SEMA5A: variants seen among roughly 807,000 people sequenced by gnomAD.
SEMA5A encodes semaphorin-5A.
SEMA5A carries 55 observed loss-of-function variants against 135.5 expected under a neutral mutation model. The ratio of observed to expected loss-of-function variants is 0.41; its 90% CI spans 0.33 to 0.51. SEMA5A has a LOEUF of 0.51. Among genes scored for constraint, SEMA5A ranks in the 20% least tolerant of loss-of-function variants. The pLI is 0.37. For missense variants in SEMA5A, 1,290 were observed against 1,419.9 expected (o/e 0.91, Z 1.47); for synonymous variants, 580 against 546.5 (o/e 1.06, Z -0.85).
intron 1 of SEMA5A, among the ~76,000 whole-genome samples, chr5:9,464,937 C>G (rs919264271): frequency 1.3e-5 from 2 of 152,198 alleles, no homozygotes; most frequent in African/African-American, 4.8e-5. Flanking sequence ...GGTCTGCAAG[C>G]GTGTGCGGAC....
intron 9 of SEMA5A, among the ~76,000 whole-genome samples, chr5:9,198,356 C>T (rs544396266): frequency 3.3e-5 from 5 of 152,254 alleles, no homozygotes; most frequent in Non-Finnish European, 4.4e-5. Flanking sequence ...CCAGGCACAA[C>T]GAGGACAAGA....
intron 4 of SEMA5A, among the ~76,000 whole-genome samples, chr5:9,326,104 G>A (rs1413052019): frequency 6.6e-6 from 1 of 152,190 alleles, no homozygotes; most frequent in Non-Finnish European, 1.5e-5. Flanking sequence ...TCCTGTCCCT[G>A]CACCAGCTTC....
intron 1 of SEMA5A, among the ~76,000 whole-genome samples, chr5:9,508,965 T>C (rs561586989): frequency 6.6e-6 from 1 of 152,280 alleles, no homozygotes; most frequent in Admixed American, 6.5e-5. Context: ...ATCAGAACTC[T>C]GCAGATTCAA....
At chr5:9,090,624 T>C (rs1410581465) in intron 16 of SEMA5A, among the ~76,000 whole-genome samples, 1 of 152,246 alleles carries the variant, frequency 6.6e-6, no homozygotes, top group Non-Finnish European at 1.5e-5. Flanking sequence ...GCTGCCAATG[T>C]GTTTCACACA....
intron 4 of SEMA5A, among the ~76,000 whole-genome samples, chr5:9,324,121 C>T (rs537872449): frequency 3.3e-5 from 5 of 151,704 alleles, no homozygotes; most frequent in South Asian, 2.1e-4. Context: ...CAGGCCAGAG[C>T]GCAGTGGTGC....
chr5:9,284,102 A>C (rs1247074707), intron 5 of SEMA5A, among the ~76,000 whole-genome samples: 4 of 98,432 alleles, frequency 4.1e-5, no homozygotes, highest in African/African-American at 1.4e-4. Context: ...AGATAGATAG[A>C]TATTAGAGAG....
In SEMA5A at chr5:9,036,814, A is replaced by G. The variant is rs988157385; in HGVS notation, c.*6083T>C. 3.9e-5 allele frequency: 6 copies of G among 152,654 alleles called. No homozygotes were observed. Among genetic ancestry groups the G allele is most frequent in the African/African-American group, 1.2e-4 (5 of 41,460 alleles). The allele number at this position is 152,654 out of a possible 1,614,324, so 9.5% of individuals were successfully genotyped here. On this transcript the variant is annotated 3_prime_UTR_variant, in exon 23 of 23. Transcript: ENST00000382496. ...CAATAATATCCACATGAAATGATAA[A>G]TGATCATCTTAAACAAGGCACTAGC... is the stretch of plus-strand genomic sequence containing the variant.
chr5:9,229,296 G>T (rs1747488187), intron 6 of SEMA5A, among the ~76,000 whole-genome samples: 1 of 152,212 alleles, frequency 6.6e-6, no homozygotes. Context: ...AGGTACACCA[G>T]AGGTGGGAGG....
At chr5:9,341,563 C>G (rs1753654597) in intron 3 of SEMA5A, among the ~76,000 whole-genome samples, 1 of 151,016 alleles carries the variant, frequency 6.6e-6, no homozygotes, top group Non-Finnish European at 1.5e-5. Context: ...GTGAGTTTAC[C>G]TTTTTCCTCC....
chr5:9,163,987 T>C (rs551584141), intron 11 of SEMA5A, among the ~76,000 whole-genome samples: 6 of 139,018 alleles, frequency 4.3e-5, no homozygotes, highest in South Asian at 4.2e-4. Flanking sequence ...ATAACAATTA[T>C]ATATTATGTA....
At chr5:9,460,211 G>A (rs1759003759) in intron 1 of SEMA5A, among the ~76,000 whole-genome samples, 1 of 152,118 alleles carries the variant, frequency 6.6e-6, no homozygotes, top group African/African-American at 2.4e-5. Flanking sequence ...GAATCTGATT[G>A]TTGACCAGGC....
At chr5:9,439,590 G>A (rs1758159260) in intron 1 of SEMA5A, among the ~76,000 whole-genome samples, 2 of 152,180 alleles carry the variant, frequency 1.3e-5, no homozygotes, top group African/African-American at 2.4e-5. Context: ...TGAACCCTCA[G>A]CTGGACAGCA....
At chr5:9,222,512 G>A (rs971937819) in intron 8 of SEMA5A, among the ~76,000 whole-genome samples, 3 of 152,134 alleles carry the variant, frequency 2.0e-5, no homozygotes, top group Non-Finnish European at 4.4e-5. Flanking sequence ...CTGCTTTCCT[G>A]AGAAATGCAG....
At chr5:9,127,033 G>A (rs1741152147) in intron 13 of SEMA5A, among the ~76,000 whole-genome samples, 1 of 152,182 alleles carries the variant, frequency 6.6e-6, no homozygotes, top group African/African-American at 2.4e-5. Context: ...TGAATACGAG[G>A]ACAGGGAGGT....
Position 9,248,861 on chromosome 5 carries a change from C to T in SEMA5A, c.271-10971G>A, listed in dbSNP as rs146709387. On this transcript the variant is annotated intron_variant, in intron 5 of 22. Coordinates refer to ENST00000382496, the MANE Select transcript of SEMA5A (RefSeq NM_003966.3). ...GCCCGGGGGACCCCTTTATTTTAGTCGCATAAGAATTAATTTGGACTCCTA... is the reference window on the plus strand; with the variant it reads ...GCCCGGGGGACCCCTTTATTTTAGTTGCATAAGAATTAATTTGGACTCCTA... Among the ~76,000 whole-genome samples, 1,098 of 152,196 alleles carry T rather than the reference C, an allele frequency of 7.2e-3. 7 individuals are homozygous for T. Among genetic ancestry groups the T allele is most frequent in the Non-Finnish European group, 0.011 (765 of 68,018 alleles).
At chr5:9,054,394 G>T in intron 18 of SEMA5A, 137 bp from the exon 19 acceptor site, 1 of 1,085,654 alleles carries the variant, frequency 9.2e-7, no homozygotes, top group Non-Finnish European at 1.3e-6. Context: ...AGGCTTCAGT[G>T]CATAGGCACA....
At chr5:9,407,340 C>A (rs1756927258) in intron 2 of SEMA5A, among the ~76,000 whole-genome samples, 1 of 152,198 alleles carries the variant, frequency 6.6e-6, no homozygotes, top group African/African-American at 2.4e-5. Flanking sequence ...AAGTGCTACG[C>A]ATAGTAATCA....
chr5:9,448,441 G>C (rs1758513189), intron 1 of SEMA5A, among the ~76,000 whole-genome samples: 1 of 152,190 alleles, frequency 6.6e-6, no homozygotes, highest in Non-Finnish European at 1.5e-5. Context: ...CTAGCAGGGA[G>C]TTAGCCCCGC....
At chr5:9,397,087 A>G (rs188530822) in intron 2 of SEMA5A, among the ~76,000 whole-genome samples, 73 of 152,272 alleles carry the variant, frequency 4.8e-4, no homozygotes, top group African/African-American at 1.5e-3. Flanking sequence ...ACAAAATAAA[A>G]TCAGGAAGAC....
Sources: gnomAD v4.1 joint callset for allele counts (sites outside exome capture counted in the v4.1 genomes callset) on GRCh38, gnomAD v4.1.1 for gene constraint, MANE v1.5 for transcripts, NCBI Gene and HGNC (gene_info 2026-07-23, HGNC 2026-07-21) for gene names.